The following MALRD1 variants were observed in gnomAD, a reference collection of about 807,000 sequenced individuals.
The protein encoded by MALRD1 is MAM and LDL-receptor class A domain-containing protein 1.
Under a neutral mutation model 242.1 loss-of-function variants are expected in MALRD1, and 247 were observed. That is an observed-to-expected ratio of 1.02 (90% CI 0.92 to 1.13). MALRD1 has a LOEUF of 1.13. Ranked by LOEUF, MALRD1 falls within the 50% of genes most tolerant of loss-of-function variation. The pLI is 0.00. For missense variants in MALRD1, 2,989 were observed against 2,533.1 expected, an observed-to-expected ratio of 1.18 and a Z score of -3.86; for synonymous variants, 995 against 866.6, an observed-to-expected ratio of 1.15 and a Z score of -2.60.
intron 14 of MALRD1, among the ~76,000 whole-genome samples, chr10:19,176,890 A>G (rs1835282521): frequency 6.7e-6 from 1 of 150,212 alleles, no homozygotes; most frequent in South Asian, 2.1e-4. Flanking sequence ...GTGTGTGTGC[A>G]TGGGTGTGTG....
At chr10:19,511,839 AAC>A (rs1007742356) in intron 31 of MALRD1, among the ~76,000 whole-genome samples, 1 of 152,154 alleles carries the variant, frequency 6.6e-6, no homozygotes, top group Admixed American at 6.6e-5. Flanking sequence ...ACAGAAAAGA[AAC>A]ACAGAGAAAA....
At chr10:19,441,977 C>T (rs1330955710) in intron 28 of MALRD1, among the ~76,000 whole-genome samples, 1 of 152,090 alleles carries the variant, frequency 6.6e-6, no homozygotes, top group African/African-American at 2.4e-5. Flanking sequence ...ATGGAATGTT[C>T]TTCCATTTGT....
chr10:19,467,186 C>T (rs933291828), intron 29 of MALRD1, among the ~76,000 whole-genome samples: 97 of 149,186 alleles, frequency 6.5e-4, no homozygotes, highest in African/African-American at 2.4e-3. Context: ...AATCCCATCT[C>T]TACTAAAAAT....
At chr10:19,545,497 A>G (rs1835170652) in intron 32 of MALRD1, among the ~76,000 whole-genome samples, 1 of 152,092 alleles carries the variant, frequency 6.6e-6, no homozygotes, top group Non-Finnish European at 1.5e-5. Flanking sequence ...GTAATTGAAG[A>G]TGTGGCTGCA....
intron 33 of MALRD1, among the ~76,000 whole-genome samples, chr10:19,592,769 A>G (rs868339265): frequency 0.031 from 4,608 of 148,052 alleles, 198 homozygotes; most frequent in African/African-American, 0.1. Flanking sequence ...ACACGCACGC[A>G]CACACACACA....
chr10:19,452,964 A>G (rs1330801568), intron 29 of MALRD1, among the ~76,000 whole-genome samples: 1 of 152,214 alleles, frequency 6.6e-6, no homozygotes, highest in East Asian at 1.9e-4. Context: ...GAAGATGAAA[A>G]TAGTATTTTC....
At chr10:19,182,620 G>A (rs939324916) in intron 14 of MALRD1, among the ~76,000 whole-genome samples, 42 of 152,036 alleles carry the variant, frequency 2.8e-4, no homozygotes, top group African/African-American at 9.9e-4. Context: ...GTGAGCCACT[G>A]CACCCGGCCC....
chr10:19,579,246 T>C (rs1446042858), intron 33 of MALRD1, among the ~76,000 whole-genome samples: 4 of 152,092 alleles, frequency 2.6e-5, no homozygotes, highest in Admixed American at 2.0e-4. Flanking sequence ...AATAGACAAT[T>C]GTAGAATAAT....
chr10:19,668,270 C>A (rs1054053416), intron 36 of MALRD1, among the ~76,000 whole-genome samples: 1 of 152,158 alleles, frequency 6.6e-6, no homozygotes, highest in Non-Finnish European at 1.5e-5. Flanking sequence ...CCATGCCAAA[C>A]TCCCACTGTC....
At position 19,655,883 on chromosome 10, in the gene MALRD1, A is replaced by G. The variant is rs567347374; in HGVS notation, c.6138-36399A>G. Reference sequence around the variant, plus strand: ...TAAGTATCTGGGTCTGATGCCATCTAGCTGATTAAGTGTATAGAATTTGAG... The same window carrying G: ...TAAGTATCTGGGTCTGATGCCATCTGGCTGATTAAGTGTATAGAATTTGAG... On this transcript the variant is annotated intron_variant, in intron 36 of 39. Transcript: ENST00000454679. Among the ~76,000 whole-genome samples the G allele has an allele frequency of 1.3e-3, 197 of 152,146 alleles. 1 individual carries two copies. Among genetic ancestry groups the G allele is most frequent in the African/African-American group, 4.6e-3 (191 of 41,518 alleles).
intron 12 of MALRD1, among the ~76,000 whole-genome samples, chr10:19,164,488 C>T (rs1834583244): frequency 6.6e-6 from 1 of 151,888 alleles, no homozygotes; most frequent in Admixed American, 6.6e-5. Context: ...AGAAGTATTC[C>T]ACTTTTGTGG....
intron 32 of MALRD1, among the ~76,000 whole-genome samples, chr10:19,553,641 A>T (rs953807446): frequency 1.3e-5 from 2 of 152,196 alleles, no homozygotes; most frequent in African/African-American, 4.8e-5. Context: ...AAATTTTATT[A>T]CCTGATTTAT....
intron 11 of MALRD1, among the ~76,000 whole-genome samples, chr10:19,154,574 G>A (rs992639985): frequency 1.2e-4 from 18 of 152,074 alleles, no homozygotes; most frequent in African/African-American, 3.6e-4. Context: ...ATCTAAAAGC[G>A]GTGATTTTGT....
intron 21 of MALRD1, among the ~76,000 whole-genome samples, chr10:19,319,894 CT>C (rs34223221): frequency 0.56 from 85,350 of 151,300 alleles, 24,184 homozygotes; most frequent in Middle Eastern, 0.61. Context: ...TATAATGAGT[CT>C]TTTTTTTTAA....
chr10:19,361,812 G>A (rs1034677725), intron 26 of MALRD1, among the ~76,000 whole-genome samples: 1 of 152,008 alleles, frequency 6.6e-6, no homozygotes, highest in Non-Finnish European at 1.5e-5. Context: ...AATATTTATG[G>A]TGATTTAGAT....
At chr10:19,691,308 T>C (rs1324675300) in intron 36 of MALRD1, among the ~76,000 whole-genome samples, 1 of 152,074 alleles carries the variant, frequency 6.6e-6, no homozygotes. Context: ...TCCACGCTTT[T>C]TATATTTAAA....
chr10:19,718,272 TTA>T (rs1196054809), intron 38 of MALRD1, among the ~76,000 whole-genome samples: 1 of 151,134 alleles, frequency 6.6e-6, no homozygotes, highest in East Asian at 1.9e-4. Context: ...GCTGGATAAT[TTA>T]TAAAGAAAAG....
At chr10:19,564,241 T>G (rs2131451012) in intron 32 of MALRD1, among the ~76,000 whole-genome samples, 1 of 152,304 alleles carries the variant, frequency 6.6e-6, no homozygotes, top group South Asian at 2.1e-4. Context: ...CAAAGGAGTC[T>G]TCATTAAAAA....
chr10:19,095,285 A>G (rs1835985634), intron 4 of MALRD1, among the ~76,000 whole-genome samples: 1 of 152,298 alleles, frequency 6.6e-6, no homozygotes, highest in African/African-American at 2.4e-5. Flanking sequence ...GTTGTAAATC[A>G]CTATAATTTG....
Sources: gnomAD v4.1 joint callset for allele counts (sites outside exome capture counted in the v4.1 genomes callset) on GRCh38, gnomAD v4.1.1 for gene constraint, MANE v1.5 for transcripts, NCBI Gene and HGNC (gene_info 2026-07-23, HGNC 2026-07-21) for gene names.